The following ADRA2C variants were observed in gnomAD, a reference collection of about 807,000 sequenced individuals.
ADRA2C encodes adrenoceptor alpha 2C.
Under a neutral mutation model 7.9 loss-of-function variants are expected in ADRA2C, and 4 were observed. The ratio of observed to expected loss-of-function variants is 0.51; its 90% CI spans 0.25 to 1.16. The LOEUF is 1.16. ADRA2C is among the 50% of genes most tolerant of loss of function. The pLI is 0.15. For missense variants in ADRA2C, 589 were observed against 677.7 expected, an observed-to-expected ratio of 0.87 and a Z score of 1.45; for synonymous variants, 368 against 328.9, an observed-to-expected ratio of 1.12 and a Z score of -1.29.
At position 3,766,629 on chromosome 4, in the gene ADRA2C, C is replaced by CGGCGCTGGCGGT. The variant is rs1300065167; in HGVS notation, c.28_39dup (p.Leu10_Ala13dup). On this transcript the variant is annotated inframe_insertion, in exon 1 of 1. Transcript: ENST00000330055. The surrounding 1 kb of genome is among the most constrained non-coding windows in gnomAD (Gnocchi z 4.5). Reference sequence around the variant, plus strand: ...ACCATGGCGTCCCCGGCGCTGGCGGCGGCGCTGGCGGTGGCGGCAGCGGCG... The same window carrying CGGCGCTGGCGGT: ...ACCATGGCGTCCCCGGCGCTGGCGGCGGCGCTGGCGGTGGCGCTGGCGGTGGCGGCAGCGGCG... 1 of 1,204,556 alleles carries CGGCGCTGGCGGT rather than the reference C, an allele frequency of 8.3e-7. No individual in the cohort carries two copies. The highest frequency in any genetic ancestry group is 4.1e-5 in the South Asian group (1 of 24,436). 74.6% of individuals were successfully genotyped at this position (1,204,556 alleles called of 1,614,324 possible).
chr4:3,766,913 C>T lies in ADRA2C; in HGVS notation c.307C>T (p.Leu103=). 1 of 1,610,798 alleles carries T rather than the reference C, an allele frequency of 6.2e-7. No individual in the cohort carries two copies. Among genetic ancestry groups the T allele is most frequent in the Non-Finnish European group, 8.5e-7 (1 of 1,179,726 alleles). ...LASADILVAT[L]VMPFSLANEL... ...CTCGGCCGACATCCTGGTGGCCACG[C>T]TGGTCATGCCCTTCTCGTTGGCCAA... The change falls in exon 1 of 1, where the codon CTG becomes TTG. Residue 103 remains leucine, a synonymous_variant. Coordinates refer to ENST00000330055, the MANE Select transcript of ADRA2C (RefSeq NM_000683.4). This position sits in a 1 kb window ranked among gnomAD's most constrained non-coding sequence, Gnocchi z 4.5.
In ADRA2C at chr4:3,766,861, A is replaced by G. The variant is rs771248471; in HGVS notation, c.255A>G (p.Pro85=). ...TGACCAGCCGGGCGCTGCGCGCGCC[A>G]CAGAACCTCTTCCTGGTGTCGCTGG... is the stretch of plus-strand genomic sequence containing the variant. The part of the protein sequence containing the change: ...AVLTSRALRA[P]QNLFLVSLAS... Residue 85 remains proline, a synonymous_variant, in exon 1 of 1, where the codon CCA becomes CCG. Coordinates refer to ENST00000330055, the MANE Select transcript of ADRA2C (RefSeq NM_000683.4). The surrounding 1 kb of genome is among the most constrained non-coding windows in gnomAD (Gnocchi z 4.5). The G allele has an allele frequency of 6.6e-7, 1 of 1,526,472 alleles. No individual in the cohort carries two copies. The highest frequency in any genetic ancestry group is 8.8e-7 in the Non-Finnish European group (1 of 1,131,090). 94.6% of individuals were successfully genotyped at this position (1,526,472 alleles called of 1,614,324 possible).
chr4:3,768,147 T>G lies in ADRA2C; in HGVS notation c.*152T>G, dbSNP rs556538624. 5.2e-6 allele frequency: 4 copies of G among 770,864 alleles called. No homozygotes were observed. Among genetic ancestry groups the G allele is most frequent in the Admixed American group, 4.3e-5 (2 of 46,588 alleles). 47.8% of individuals were successfully genotyped at this position (770,864 alleles called of 1,614,324 possible). On this transcript the variant is annotated 3_prime_UTR_variant, in exon 1 of 1. Transcript: ENST00000330055. ...GCAGGGCAGGAGCTTGGCAGAGAGA[T>G]AGCCGGGCTCCAGGGAGTGGGGAGG...
chr4:3,767,610 C>G lies in ADRA2C; in HGVS notation c.1004C>G (p.Ala335Gly). The stretch of plus-strand genomic sequence containing the variant: ...GCGGCTGAGTCGGGGGCGCTGACCG[C>G]CTCCAGGTCCCCGGGGCCCGGTGGC... ...PGAAESGALTASRSPGPGGRL... is the reference protein window; with the variant it reads ...PGAAESGALTGSRSPGPGGRL... The change falls in exon 1 of 1, where the codon GCC becomes GGC. Residue 335 changes from alanine to glycine, a missense_variant. By Grantham distance (60) the Ala-to-Gly change is moderately conservative. Coordinates refer to ENST00000330055, the MANE Select transcript of ADRA2C (RefSeq NM_000683.4). 7.5e-7 allele frequency: 1 copy of G among 1,334,112 alleles called. No individual in the cohort carries two copies. The highest frequency in any genetic ancestry group is 9.5e-7 in the Non-Finnish European group (1 of 1,050,882). 82.6% of individuals were successfully genotyped at this position (1,334,112 alleles called of 1,614,324 possible). A position where few individuals can be genotyped will look rare whatever the true frequency, so the allele number is the denominator to read the frequency against.
At position 3,767,242 on chromosome 4, in the gene ADRA2C, GTCC is replaced by G. The variant is rs1440893850; in HGVS notation, c.641_643del (p.Ser214del). The stretch of plus-strand genomic sequence containing the variant: ...TCAACGACGAGACCTGGTACATCCT[GTCC>G]TCCTGCATCGGCTCCTTCTTCGCGC... On this transcript the variant is annotated inframe_deletion, in exon 1 of 1. Coordinates refer to ENST00000330055, the MANE Select transcript of ADRA2C (RefSeq NM_000683.4). 4.3e-6 allele frequency: 7 copies of G among 1,610,014 alleles called. No individual in the cohort carries two copies. Among genetic ancestry groups the G allele is most frequent in the Admixed American group, 3.3e-5 (2 of 59,782 alleles).
chr4:3,768,082 C>CCGGGGAGCTTTCCCAGAGACT lies in ADRA2C; in HGVS notation c.*93_*94insGCTTTCCCAGAGACTCGGGGA. Reference sequence around the variant, plus strand: ...CGGACGGGGGAGCTTTCCCAGAGACCCGGGGATGGATTGGCCTCCAGGGCG... The same window carrying CCGGGGAGCTTTCCCAGAGACT: ...CGGACGGGGGAGCTTTCCCAGAGACCCGGGGAGCTTTCCCAGAGACTCGGGGATGGATTGGCCTCCAGGGCG... On this transcript the variant is annotated 3_prime_UTR_variant, in exon 1 of 1. Coordinates refer to ENST00000330055, the MANE Select transcript of ADRA2C (RefSeq NM_000683.4). 2 of 1,346,698 alleles carry CCGGGGAGCTTTCCCAGAGACT rather than the reference C, an allele frequency of 1.5e-6. No individual in the cohort carries two copies. Among genetic ancestry groups the CCGGGGAGCTTTCCCAGAGACT allele is most frequent in the Non-Finnish European group, 2.1e-6 (2 of 975,110 alleles). The allele number at this position is 1,346,698 out of a possible 1,614,324, so 83.4% of individuals were successfully genotyped here. A position where few individuals can be genotyped will look rare whatever the true frequency, so the allele number is the denominator to read the frequency against.
Position 3,766,555 on chromosome 4 carries a change from G to A in ADRA2C, c.-52G>A. The A allele has an allele frequency of 1.8e-6, 2 of 1,106,466 alleles. No individual in the cohort carries two copies. Among genetic ancestry groups the A allele is most frequent in the Non-Finnish European group, 2.2e-6 (2 of 909,258 alleles). The allele number at this position is 1,106,466 out of a possible 1,614,324, so 68.5% of individuals were successfully genotyped here. A position where few individuals can be genotyped will look rare whatever the true frequency, so the allele number is the denominator to read the frequency against. ...ACCCCGGCTGGGGGGCGCCCGAGCT[G>A]CCGCGGCTGCGCCCCGGCTCCAGGA... On this transcript the variant is annotated 5_prime_UTR_variant, in exon 1 of 1. Transcript: ENST00000330055. The surrounding 1 kb of genome is among the most constrained non-coding windows in gnomAD (Gnocchi z 4.5).
rs2108688484 is a variant in ADRA2C at position 3,767,848 on chromosome 4, G to T, written c.1242G>T (p.Val414=). The change falls in exon 1 of 1, where the codon GTG becomes GTT. Residue 414 remains valine, a synonymous_variant. Coordinates refer to ENST00000330055, the MANE Select transcript of ADRA2C (RefSeq NM_000683.4). ...LYGICREACQ[V]PGPLFKFFFW... is the part of the protein sequence containing the mutation. ...GCATCTGCCGCGAGGCCTGCCAGGT[G>T]CCCGGCCCGCTCTTCAAGTTCTTCT... 6.2e-7 allele frequency: 1 copy of T among 1,613,132 alleles called. No individual in the cohort carries two copies. The highest frequency in any genetic ancestry group is 8.5e-7 in the Non-Finnish European group (1 of 1,179,890).
Position 3,767,008 on chromosome 4 carries a change from T to C in ADRA2C, c.402T>C (p.Phe134=), listed in dbSNP as rs754650666. ...CGVYLALDVL[F]CTSSIVHLCA... ...TGTACCTGGCGCTCGATGTGCTGTT[T>C]TGCACCTCGTCGATCGTGCATCTGT... The change falls in exon 1 of 1, where the codon TTT becomes TTC. Residue 134 remains phenylalanine (F), a synonymous_variant. Transcript: ENST00000330055. The C allele has an allele frequency of 4.3e-6, 7 of 1,611,462 alleles. No individual in the cohort carries two copies. In the East Asian group the frequency reaches 1.6e-4, roughly 36 times the overall value.
In ADRA2C at chr4:3,766,516, C is replaced by G. The variant is rs1008570468; in HGVS notation, c.-91C>G. On this transcript the variant is annotated 5_prime_UTR_variant, in exon 1 of 1. Transcript: ENST00000330055. This position sits in a 1 kb window ranked among gnomAD's most constrained non-coding sequence, Gnocchi z 4.5. ...GCGGGCGCGCCCGAGCAGCAGGCGG[C>G]GATGCGGGCGCCGACCCCGGCTGGG... 4.3e-6 allele frequency: 4 copies of G among 934,876 alleles called. No homozygotes were observed. The highest frequency in any genetic ancestry group is 5.1e-6 in the Non-Finnish European group (4 of 781,312). 57.9% of individuals were successfully genotyped at this position (934,876 alleles called of 1,614,324 possible). A position where few individuals can be genotyped will look rare whatever the true frequency, so the allele number is the denominator to read the frequency against.
rs981067340 is a variant in ADRA2C, at chr4:3,768,054, G to A, written c.*59G>A. 11 of 323,296 alleles carry A rather than the reference G, an allele frequency of 3.4e-5. No individual in the cohort carries two copies. Among genetic ancestry groups the A allele is most frequent in the Admixed American group, 1.3e-4 (2 of 14,886 alleles). The allele number at this position is 323,296 out of a possible 1,614,324, so 20.0% of individuals were successfully genotyped here. A position where few individuals can be genotyped will look rare whatever the true frequency, so the allele number is the denominator to read the frequency against. On this transcript the variant is annotated 3_prime_UTR_variant, in exon 1 of 1. Transcript: ENST00000330055. ...CGCTCGGGGCTGGGCAGAAGGGGCG[G>A]CCCGGACGGGGGAGCTTTCCCAGAG...
Position 3,768,454 on chromosome 4 carries a change from A to G in ADRA2C, c.*459A>G. 1.7e-6 allele frequency: 1 copy of G among 605,646 alleles called. No individual in the cohort carries two copies. Among genetic ancestry groups the G allele is most frequent in the South Asian group, 2.0e-5 (1 of 49,542 alleles). The allele number at this position is 605,646 out of a possible 1,614,324, so 37.5% of individuals were successfully genotyped here. On this transcript the variant is annotated 3_prime_UTR_variant, in exon 1 of 1. Transcript: ENST00000330055. ...GCACCGACAATCTTTGATTACTGAA[A>G]GTATTTAAATGTTTGCCAAAAACAA...
rs1735477286 is a variant in ADRA2C at position 3,767,516 on chromosome 4, GGCGGGCGGCGGCGA to G, written c.918_931del (p.Arg307GlyfsTer18). On this transcript the variant is annotated frameshift_variant, in exon 1 of 1. Transcript: ENST00000330055. LOFTEE classifies it low-confidence loss of function (END_TRUNC). ...GCGGCGCCGGGGCGCGTTGCGGCGG[GGCGGGCGGCGGCGA>G]GCGGGCGCGGAGGGGGGCGCGGGCG... 1 of 1,006,830 alleles carries G rather than the reference GGCGGGCGGCGGCGA, an allele frequency of 9.9e-7. No individual in the cohort carries two copies. Among genetic ancestry groups the G allele is most frequent in the Non-Finnish European group, 1.2e-6 (1 of 845,856 alleles). 62.4% of individuals were successfully genotyped at this position (1,006,830 alleles called of 1,614,324 possible). A position where few individuals can be genotyped will look rare whatever the true frequency, so the allele number is the denominator to read the frequency against.
At position 3,766,930 on chromosome 4, in the gene ADRA2C, G is replaced by A. The variant is rs562477576; in HGVS notation, c.324G>A (p.Ser108=). The A allele has an allele frequency of 1.1e-5, 18 of 1,610,764 alleles. No homozygotes were observed. In the Admixed American group the frequency reaches 1.7e-4, roughly 15 times the overall value. The change falls in exon 1 of 1, where the codon TCG becomes TCA. Residue 108 remains serine (S), a synonymous_variant. Coordinates refer to ENST00000330055, the MANE Select transcript of ADRA2C (RefSeq NM_000683.4). The surrounding 1 kb of genome is among the most constrained non-coding windows in gnomAD (Gnocchi z 4.5). ...TGGCCACGCTGGTCATGCCCTTCTC[G>A]TTGGCCAACGAGCTCATGGCCTACT... ...ILVATLVMPF[S]LANELMAYWY... is the part of the protein sequence containing the mutation.
Position 3,767,166 on chromosome 4 carries a change from T to G in ADRA2C, c.560T>G (p.Leu187Arg). The G allele has an allele frequency of 6.2e-7, 1 of 1,609,664 alleles. No individual in the cohort carries two copies. Among genetic ancestry groups the G allele is most frequent in the Non-Finnish European group, 8.5e-7 (1 of 1,179,672 alleles). Residue 187 changes from leucine (L) to arginine (R), a missense_variant, in exon 1 of 1, where the codon CTG becomes CGG. By Grantham distance (102) the Leu-to-Arg change is moderately radical. Coordinates refer to ENST00000330055, the MANE Select transcript of ADRA2C (RefSeq NM_000683.4). ...LISAVISFPP[L>R]VSLYRQPDGA... ...TCGGCCGTCATCTCCTTCCCGCCGC[T>G]GGTCTCGCTCTACCGCCAGCCCGAC... is the stretch of plus-strand genomic sequence containing the variant.
Position 3,768,374 on chromosome 4 carries a change from G to T in ADRA2C, c.*379G>T. ...CCACTCCCCATCCCCGTCTGACCAA[G>T]GGCTGACTTCTCCAGGACCTAGTCG... is the stretch of plus-strand genomic sequence containing the variant. On this transcript the variant is annotated 3_prime_UTR_variant, in exon 1 of 1. Transcript: ENST00000330055. 1.4e-6 allele frequency: 1 copy of T among 691,934 alleles called. No homozygotes were observed. The highest frequency in any genetic ancestry group is 1.6e-5 in the South Asian group (1 of 63,780). The allele number at this position is 691,934 out of a possible 1,614,324, so 42.9% of individuals were successfully genotyped here.
At position 3,766,981 on chromosome 4, in the gene ADRA2C, C is replaced by A. The variant is rs1356410019; in HGVS notation, c.375C>A (p.Gly125=). Residue 125 remains glycine, a synonymous_variant, in exon 1 of 1, where the codon GGC becomes GGA. Transcript: ENST00000330055. The surrounding 1 kb of genome is among the most constrained non-coding windows in gnomAD (Gnocchi z 4.5). ...GGTACTTCGGGCAGGTGTGGTGCGG[C>A]GTGTACCTGGCGCTCGATGTGCTGT... is the stretch of plus-strand genomic sequence containing the variant. ...AYWYFGQVWC[G]VYLALDVLFC... 2 of 1,611,064 alleles carry A rather than the reference C, an allele frequency of 1.2e-6. No individual in the cohort carries two copies. Among genetic ancestry groups the A allele is most frequent in the South Asian group, 2.2e-5 (2 of 91,076 alleles).
Position 3,767,663 on chromosome 4 carries a change from G to C in ADRA2C, c.1057G>C (p.Val353Leu), listed in dbSNP as rs771947201. The C allele has an allele frequency of 3.2e-6, 5 of 1,545,220 alleles. No individual in the cohort carries two copies. The highest frequency in any genetic ancestry group is 4.0e-5 in the Admixed American group (2 of 50,550). ...CCTGTCGCGCGCCAGCTCGCGCTCC[G>C]TCGAGTTCTTCCTGTCGCGCCGGCG... The part of the protein sequence containing the change: ...GRLSRASSRS[V>L]EFFLSRRRRA... Residue 353 changes from valine to leucine, a missense_variant, in exon 1 of 1, where the codon GTC (valine) becomes CTC (leucine). Coordinates refer to ENST00000330055, the MANE Select transcript of ADRA2C (RefSeq NM_000683.4).
In ADRA2C at chr4:3,767,287, C is replaced by G. The variant is rs1329095747; in HGVS notation, c.681C>G (p.Gly227=). 3.1e-6 allele frequency: 5 copies of G among 1,601,702 alleles called. No individual in the cohort carries two copies. In the South Asian group the frequency reaches 5.6e-5, roughly 18 times the overall value. ...GSFFAPCLIM[G]LVYARIYRVA... is the part of the protein sequence containing the mutation. ...TCTTCGCGCCCTGCCTCATCATGGG[C>G]CTGGTCTACGCGCGCATCTACCGAG... is the stretch of plus-strand genomic sequence containing the variant. Residue 227 remains glycine (G), a synonymous_variant, in exon 1 of 1, where the codon GGC becomes GGG. Coordinates refer to ENST00000330055, the MANE Select transcript of ADRA2C (RefSeq NM_000683.4).
Sources: gnomAD v4.1 joint callset for allele counts on GRCh38, gnomAD v4.1.1 for gene constraint, Gnocchi (gnomAD v3.1) non-coding constraint, MANE v1.5 for transcripts, NCBI Gene and HGNC (gene_info 2026-07-23, HGNC 2026-07-21) for gene names.